PDE4D: variants seen among roughly 807,000 people sequenced by gnomAD.
The protein encoded by PDE4D is 3',5'-cyclic-AMP phosphodiesterase 4D.
In PDE4D, 24 loss-of-function variants were observed where a neutral mutation model predicts 87.4. The observed-to-expected ratio is 0.27, with a 90% CI of 0.20 to 0.39. The LOEUF (loss-of-function observed/expected upper bound fraction) is 0.39, where lower values mean the gene tolerates loss of function less well. Among genes scored for constraint, PDE4D ranks in the 10% least tolerant of loss-of-function variants. The pLI, the probability that PDE4D is intolerant of heterozygous loss-of-function variation, is 1.00. For missense variants in PDE4D, 714 were observed against 1,041.0 expected (o/e 0.69, Z 4.32); for synonymous variants, 384 against 383.2 (o/e 1.00, Z -0.02).
At chr5:59,741,172 A>G in intron 1 of PDE4D, among the ~76,000 whole-genome samples, 1 of 152,154 alleles carries the variant, frequency 6.6e-6, no homozygotes, top group East Asian at 1.9e-4. Flanking sequence ...ACTACATCAA[A>G]CAATTTGTGT....
chr5:60,168,809 TTGAC>T (rs1205160167), intron 2 of PDE4D, among the ~76,000 whole-genome samples: 2 of 152,178 alleles, frequency 1.3e-5, no homozygotes, highest in Non-Finnish European at 2.9e-5. Flanking sequence ...AGATTTGCAA[TTGAC>T]TGAAACCACA....
At chr5:59,104,104 T>C (rs1346392031) in intron 5 of PDE4D, among the ~76,000 whole-genome samples, 1 of 152,242 alleles carries the variant, frequency 6.6e-6, no homozygotes, top group African/African-American at 2.4e-5. Context: ...TGAATTTTAC[T>C]TTAGAAATTG....
rs10939847 is a variant in PDE4D at position 60,439,933 on chromosome 5, A to C, written c.-90+48009T>G. Among the ~76,000 whole-genome samples the C allele has an allele frequency of 3.6e-5, 5 of 138,678 alleles. No homozygotes were observed. The South Asian group carries it at 1.0e-3, about 28-fold the overall frequency. 91.0% of individuals were successfully genotyped at this position (138,678 alleles called of 152,430 possible). A position where few individuals can be genotyped will look rare whatever the true frequency, so the allele number is the denominator to read the frequency against. On this transcript the variant is annotated intron_variant, in intron 1 of 16. Transcript: ENST00000502484. The stretch of plus-strand genomic sequence containing the variant: ...CCATTGTTTAAAAAAAAAAACAAAA[A>C]AAAAAAACCCTAAACTGCATAACTT...
intron 1 of PDE4D, among the ~76,000 whole-genome samples, chr5:59,475,171 G>A (rs1398639081): frequency 9.6e-6 from 1 of 103,930 alleles, no homozygotes; most frequent in East Asian, 2.5e-4. Flanking sequence ...GCAACCGTTA[G>A]AGAATTTTAG....
Position 59,671,854 on chromosome 5 carries a change from C to A in PDE4D, c.455+221314G>T, listed in dbSNP as rs551598037. Among the ~76,000 whole-genome samples the A allele has an allele frequency of 1.6e-4, 24 of 151,536 alleles. 1 individual carries two copies. The South Asian group carries it at 4.4e-3, about 28-fold the overall frequency. Reference sequence around the variant, plus strand: ...AAGAAATAATTTTTTTCAAAGAAACCCTTTACATTAAAAGCACTACTTATG... The same window carrying A: ...AAGAAATAATTTTTTTCAAAGAAACACTTTACATTAAAAGCACTACTTATG... On this transcript the variant is annotated intron_variant, in intron 1 of 14. Coordinates refer to ENST00000340635, the MANE Select transcript of PDE4D (RefSeq NM_001104631.2).
intron 2 of PDE4D, among the ~76,000 whole-genome samples, chr5:59,208,461 CAATT>C (rs1006986001): frequency 2.0e-5 from 3 of 152,156 alleles, no homozygotes; most frequent in Non-Finnish European, 2.9e-5. Flanking sequence ...ACATATAACT[CAATT>C]AATTCGTTAT....
chr5:60,079,026 C>A (rs1682619541), intron 2 of PDE4D, among the ~76,000 whole-genome samples: 1 of 152,174 alleles, frequency 6.6e-6, no homozygotes, highest in African/African-American at 2.4e-5. Context: ...ATTCCTATTT[C>A]TCCACAACCT....
chr5:59,633,877 CA>C (rs774958779), intron 1 of PDE4D, among the ~76,000 whole-genome samples: 7 of 152,140 alleles, frequency 4.6e-5, no homozygotes, highest in Non-Finnish European at 7.4e-5. Context: ...GGATCAAATT[CA>C]TACATAACAA....
chr5:59,852,416 A>G (rs1408697748), intron 1 of PDE4D, among the ~76,000 whole-genome samples: 1 of 152,092 alleles, frequency 6.6e-6, no homozygotes, highest in Non-Finnish European at 1.5e-5. Context: ...GAAACAGCCC[A>G]CAAACCATGA....
chr5:60,169,983 G>A (rs1415356649), intron 2 of PDE4D, among the ~76,000 whole-genome samples: 1 of 151,822 alleles, frequency 6.6e-6, no homozygotes, highest in African/African-American at 2.4e-5. Flanking sequence ...CCAGAAAATG[G>A]CTCAGTTTTT....
intron 2 of PDE4D, among the ~76,000 whole-genome samples, chr5:60,042,444 G>A (rs1768632557): frequency 6.6e-6 from 1 of 152,210 alleles, no homozygotes; most frequent in African/African-American, 2.4e-5. Context: ...CTTGAGCTCT[G>A]CTAAGGGACA....
intron 6 of PDE4D, chr5:58,999,910 C>T (rs1436738729): frequency 1.0e-6 from 1 of 985,878 alleles, no homozygotes; most frequent in Non-Finnish European, 1.2e-6. Flanking sequence ...CTAGTCCTGT[C>T]AAAAGCTACC....
At chr5:60,046,481 C>A (rs1323754951) in intron 2 of PDE4D, among the ~76,000 whole-genome samples, 1 of 152,038 alleles carries the variant, frequency 6.6e-6, no homozygotes, top group Non-Finnish European at 1.5e-5. Context: ...TTTGCCCATT[C>A]AGTATGATAT....
chr5:59,157,111 G>T, intron 5 of PDE4D: 3 of 404,988 alleles, frequency 7.4e-6, no homozygotes, highest in Non-Finnish European at 8.8e-6. Flanking sequence ...AAAATGTATT[G>T]AAAATTAATG....
At chr5:59,510,084 C>G (rs1360473814) in intron 1 of PDE4D, among the ~76,000 whole-genome samples, 1 of 150,136 alleles carries the variant, frequency 6.7e-6, no homozygotes, top group Non-Finnish European at 1.5e-5. Context: ...AAATTAATAA[C>G]AATGTATTTA....
rs370618257 is a variant in PDE4D at position 58,991,967 on chromosome 5, C to T, written c.1053G>A (p.Gln351=). The T allele has an allele frequency of 1.0e-4, 161 of 1,592,960 alleles. No individual in the cohort carries two copies. The highest frequency in any genetic ancestry group is 2.5e-4 in the East Asian group (11 of 44,300). The change falls in exon 8 of 15, where the codon CAG becomes CAA. Residue 351 remains glutamine (Q), a synonymous_variant. Transcript: ENST00000340635. The part of the protein sequence containing the change: ...QHEVEIPSPT[Q]KEKEKKKRPM... ...GTCTTTTCTTTTTCTCCTTTTCCTTCTGAGTTGGAGAAGGAATTTCCACTT... is the reference window on the plus strand; with the variant it reads ...GTCTTTTCTTTTTCTCCTTTTCCTTTTGAGTTGGAGAAGGAATTTCCACTT...
chr5:60,011,268 G>A (rs191703579), intron 2 of PDE4D, among the ~76,000 whole-genome samples: 91 of 152,234 alleles, frequency 6.0e-4, no homozygotes, highest in Non-Finnish European at 6.9e-4. Context: ...GGCATGTTCT[G>A]CTGATGGGTG....
intron 3 of PDE4D, among the ~76,000 whole-genome samples, chr5:59,970,548 A>G (rs1484835663): frequency 6.6e-6 from 1 of 152,238 alleles, no homozygotes; most frequent in East Asian, 1.9e-4. Flanking sequence ...GTGGTGAAGG[A>G]CATGAACAGA....
At chr5:60,100,799 C>T (rs1776141743) in intron 2 of PDE4D, among the ~76,000 whole-genome samples, 1 of 152,124 alleles carries the variant, frequency 6.6e-6, no homozygotes, top group South Asian at 2.1e-4. Flanking sequence ...GGGCATATAT[C>T]AGCTCTTAGG....
Sources: allele counts gnomAD v4.1 joint callset (sites outside exome capture counted in the v4.1 genomes callset), GRCh38; gene constraint gnomAD v4.1.1; transcripts MANE v1.5; gene names NCBI Gene and HGNC (gene_info 2026-07-23, HGNC 2026-07-21).